Variants in ADCY3 observed in about 807,000 individuals in gnomAD.
The protein encoded by ADCY3 is adenylate cyclase type 3.
In ADCY3, 70 loss-of-function variants were observed where a neutral mutation model predicts 119.4. That is an observed-to-expected ratio of 0.59 (90% CI 0.48 to 0.72). The LOEUF (loss-of-function observed/expected upper bound fraction) is 0.72. Ranked by LOEUF, ADCY3 falls within the 30% of genes least tolerant of loss-of-function variation. The pLI is 0.00. For missense variants in ADCY3, 1,238 were observed against 1,541.6 expected (o/e 0.80, Z 3.30); for synonymous variants, 672 against 621.4 (o/e 1.08, Z -1.21).
intron 11 of ADCY3, among the ~76,000 whole-genome samples, chr2:24,832,431 A>G (rs4665727): frequency 0.64 from 97,768 of 151,970 alleles, 32,046 homozygotes; most frequent in East Asian, 0.87. Context: ...TGTGACAGCC[A>G]CCCCCAGCTT....
Position 24,918,805 on chromosome 2 carries a change from G to C in ADCY3, c.183C>G (p.Ser61=). ...RFMRLTFVPE[S]LENLYQTYFK... is the part of the protein sequence containing the mutation. Reference sequence around the variant, plus strand: ...AGTAGGTCTGGTAGAGGTTCTCCAAGGACTCCGGCACGAAAGTCAGCCGCA... The same window carrying C: ...AGTAGGTCTGGTAGAGGTTCTCCAACGACTCCGGCACGAAAGTCAGCCGCA... Residue 61 remains serine, a synonymous_variant, in exon 2 of 22, where the codon TCC becomes TCG. Transcript: ENST00000679454. This position sits in a 1 kb window ranked among gnomAD's most constrained non-coding sequence, Gnocchi z 5.4. The C allele has an allele frequency of 6.2e-7, 1 of 1,613,848 alleles. No individual in the cohort carries two copies. Among genetic ancestry groups the C allele is most frequent in the Non-Finnish European group, 8.5e-7 (1 of 1,180,040 alleles).
chr2:24,913,585 A>T (rs564909003), intron 2 of ADCY3, among the ~76,000 whole-genome samples: 2 of 152,052 alleles, frequency 1.3e-5, no homozygotes, highest in Admixed American at 1.3e-4. Flanking sequence ...CAGTCCCCTT[A>T]TCTGTGAAAT....
intron 2 of ADCY3, among the ~76,000 whole-genome samples, chr2:24,891,915 G>C (rs1677705474): frequency 6.6e-6 from 1 of 152,092 alleles, no homozygotes. Context: ...GAAAAATATG[G>C]TATATATAGG....
intron 3 of ADCY3, among the ~76,000 whole-genome samples, chr2:24,856,147 C>T (rs974272787): frequency 7.9e-5 from 12 of 152,196 alleles, no homozygotes; most frequent in African/African-American, 2.9e-4. Flanking sequence ...ACCCATAGTG[C>T]TCAGGTGGCT....
chr2:24,827,891 C>T lies in ADCY3; in HGVS notation c.2432+11G>A. ...GAGACAATACAGATCCCCAGTCACG[C>T]TTCATCTTACTCGTGCTCCCGAAAA... On this transcript the variant is annotated intron_variant, in intron 14 of 21. Coordinates refer to ENST00000679454, the MANE Select transcript of ADCY3 (RefSeq NM_004036.5). 6.2e-7 allele frequency: 1 copy of T among 1,613,792 alleles called. No individual in the cohort carries two copies. The highest frequency in any genetic ancestry group is 8.5e-7 in the Non-Finnish European group (1 of 1,179,822).
chr2:24,883,202 G>T (rs1238640068), intron 2 of ADCY3, among the ~76,000 whole-genome samples: 2 of 152,030 alleles, frequency 1.3e-5, no homozygotes, highest in African/African-American at 4.8e-5. Context: ...ATAAAAATTA[G>T]CTGGGCATGG....
Position 24,854,251 on chromosome 2 carries a change from T to C in ADCY3, c.826-11867A>G, listed in dbSNP as rs189768132. 8.5e-4 allele frequency among the ~76,000 whole-genome samples: 130 copies of C among 152,338 alleles called. 1 individual carries two copies. Among genetic ancestry groups the C allele is most frequent in the Admixed American group, 7.1e-3 (109 of 15,304 alleles). ...CAGAGGAGTATCTGTTGACGTAAGA[T>C]AGTAATGACTAATCCCAAAGGTGGC... is the stretch of plus-strand genomic sequence containing the variant. On this transcript the variant is annotated intron_variant, in intron 3 of 21. Coordinates refer to ENST00000679454, the MANE Select transcript of ADCY3 (RefSeq NM_004036.5).
chr2:24,892,387 T>C (rs1284275213), intron 2 of ADCY3, among the ~76,000 whole-genome samples: 11 of 152,186 alleles, frequency 7.2e-5, no homozygotes, highest in Non-Finnish European at 1.2e-4. Flanking sequence ...TAGCTGGGAT[T>C]ACAGGCGCTT....
At chr2:24,914,675 CAAA>C (rs70947853) in intron 2 of ADCY3, among the ~76,000 whole-genome samples, 36 of 120,940 alleles carry the variant, frequency 3.0e-4, no homozygotes, top group African/African-American at 4.7e-4. Flanking sequence ...AACTCTGTCT[CAAA>C]AAAAAAAAAA....
At chr2:24,840,543 G>T in intron 6 of ADCY3, 1 of 468,410 alleles carries the variant, frequency 2.1e-6, no homozygotes, top group Non-Finnish European at 4.4e-6. Context: ...TGGTAAAAAT[G>T]CAAAGCCGCC....
At chr2:24,824,067 G>A (rs1010850974) in intron 17 of ADCY3, among the ~76,000 whole-genome samples, 1 of 152,232 alleles carries the variant, frequency 6.6e-6, no homozygotes, top group Non-Finnish European at 1.5e-5. Flanking sequence ...CGAGGGTACC[G>A]TAGAGCTGGG....
intron 2 of ADCY3, among the ~76,000 whole-genome samples, chr2:24,885,305 T>C (rs554635568): frequency 7.9e-5 from 12 of 152,314 alleles, no homozygotes; most frequent in African/African-American, 2.6e-4. Flanking sequence ...CTGGTATTGC[T>C]GAAAAGTTTC....
At chr2:24,840,137 AAG>A in intron 6 of ADCY3, 106 bp from the exon 7 acceptor site, 10 of 1,431,982 alleles carry the variant, frequency 7.0e-6, no homozygotes, top group Non-Finnish European at 9.5e-6. Context: ...TCCCCTCCAC[AAG>A]AGGGGGCCTG....
In ADCY3 at chr2:24,908,892, G is replaced by GC. The variant is rs59497807; in HGVS notation, c.675+9420dup. Among the ~76,000 whole-genome samples the GC allele has an allele frequency of 3.5e-3, 534 of 151,994 alleles. 5 individuals are homozygous for GC. Among genetic ancestry groups the GC allele is most frequent in the Non-Finnish European group, 6.0e-3 (407 of 67,966 alleles). On this transcript the variant is annotated intron_variant, in intron 2 of 21. Coordinates refer to ENST00000679454, the MANE Select transcript of ADCY3 (RefSeq NM_004036.5). ...GGGTTACAGATGTCCCATGCTGAGG[G>GC]CCCCCCCGACACACATTGGCTGCTC...
At chr2:24,902,770 C>T (rs1242332839) in intron 2 of ADCY3, among the ~76,000 whole-genome samples, 2 of 152,172 alleles carry the variant, frequency 1.3e-5, no homozygotes, top group Non-Finnish European at 2.9e-5. Context: ...TGGCTCGTGC[C>T]TGTAATCCCA....
intron 9 of ADCY3, among the ~76,000 whole-genome samples, chr2:24,836,303 C>T (rs1365235985): frequency 6.6e-6 from 1 of 152,250 alleles, no homozygotes; most frequent in East Asian, 1.9e-4. Flanking sequence ...TGTTCTACGG[C>T]ATCTGCTCTA....
chr2:24,837,670 C>G (rs1397585018), intron 8 of ADCY3, among the ~76,000 whole-genome samples: 1 of 152,114 alleles, frequency 6.6e-6, no homozygotes, highest in African/African-American at 2.4e-5. Flanking sequence ...CATGAGATTA[C>G]AAAAAATAAG....
intron 2 of ADCY3, among the ~76,000 whole-genome samples, chr2:24,896,980 C>T (rs1244942267): frequency 2.0e-5 from 3 of 152,184 alleles, no homozygotes; most frequent in Admixed American, 2.0e-4. Flanking sequence ...CCACCATTGC[C>T]TGGTCCCTAT....
intron 3 of ADCY3, among the ~76,000 whole-genome samples, chr2:24,854,939 G>A (rs1489744434): frequency 6.6e-6 from 1 of 152,078 alleles, no homozygotes; most frequent in Non-Finnish European, 1.5e-5. Flanking sequence ...AATACCAGCT[G>A]CTCAGGAGGC....
Sources: gnomAD v4.1 joint callset for allele counts (sites outside exome capture counted in the v4.1 genomes callset) on GRCh38, gnomAD v4.1.1 for gene constraint, Gnocchi (gnomAD v3.1) non-coding constraint, MANE v1.5 for transcripts, NCBI Gene and HGNC (gene_info 2026-07-23, HGNC 2026-07-21) for gene names.